The following DPP6 variants were observed in gnomAD, a reference collection of about 807,000 sequenced individuals.
DPP6 encodes A-type potassium channel modulatory protein DPP6.
A neutral mutation model predicts 122.6 loss-of-function variants in DPP6; 69 were observed. That is an observed-to-expected ratio of 0.56 (90% confidence interval 0.46 to 0.69). The LOEUF is 0.69. Ranked by LOEUF, DPP6 falls within the 30% of genes least tolerant of loss-of-function variation. DPP6 has a pLI of 0.00. For synonymous variants in DPP6, 418 were observed against 433.1 expected (o/e 0.97, Z 0.43); for missense variants, 928 against 1,116.9 (o/e 0.83, Z 2.41).
chr7:154,710,959 C>T (rs1841140947), intron 7 of DPP6, among the ~76,000 whole-genome samples: 1 of 152,216 alleles, frequency 6.6e-6, no homozygotes, highest in South Asian at 2.1e-4. Context: ...ACAACAGGAT[C>T]TTTCACTTTT....
intron 1 of DPP6, among the ~76,000 whole-genome samples, chr7:154,444,303 A>C (rs1287317878): frequency 6.8e-6 from 1 of 147,608 alleles, no homozygotes; most frequent in African/African-American, 2.5e-5. Context: ...TAAATAGACA[A>C]AAAAAAAAAA....
At chr7:153,846,959 T>C in the DPP6 span, among the ~76,000 whole-genome samples, 1 of 152,198 alleles carries the variant, frequency 6.6e-6, no homozygotes, top group East Asian at 1.9e-4. Context: ...AGTGCTGGAG[T>C]TACAGGCATG....
chr7:154,710,705 C>G, intron 7 of DPP6, among the ~76,000 whole-genome samples: 1 of 152,232 alleles, frequency 6.6e-6, no homozygotes, highest in East Asian at 1.9e-4. Context: ...CTAAAAGGTA[C>G]GTCTACAAGG....
the DPP6 span, among the ~76,000 whole-genome samples, chr7:153,856,856 T>C: frequency 6.6e-6 from 1 of 152,220 alleles, no homozygotes; most frequent in Non-Finnish European, 1.5e-5. Flanking sequence ...ATTGGCTCCT[T>C]AAGAAGATCA....
rs537147239 is a variant in DPP6 at position 154,166,067 on chromosome 7, A to T, written c.243+113004A>T. ...GCCGTTGGCACCCCCAGAACAATAT[A>T]TTCTTCAATAGTTTAAAGGAGCTGC... On this transcript the variant is annotated intron_variant, in intron 1 of 25. Coordinates refer to ENST00000377770, the MANE Select transcript of DPP6 (RefSeq NM_130797.4). Among the ~76,000 whole-genome samples, 4 of 152,260 alleles carry T rather than the reference A, an allele frequency of 2.6e-5. No individual in the cohort carries two copies. In the South Asian group the frequency reaches 8.3e-4, roughly 32 times the overall value.
intron 1 of DPP6, among the ~76,000 whole-genome samples, chr7:154,151,310 C>T (rs1796407638): frequency 6.6e-6 from 1 of 152,190 alleles, no homozygotes; most frequent in Non-Finnish European, 1.5e-5. Flanking sequence ...CCTGGCTTGT[C>T]TCTGAGCTGC....
chr7:154,769,268 A>G (rs2150377467), intron 8 of DPP6, 149 bp from the exon 9 acceptor site: 1 of 959,082 alleles, frequency 1.0e-6, no homozygotes, highest in East Asian at 2.6e-5. Context: ...GCATGTGCAG[A>G]ACACAGTGAA....
chr7:154,266,029 C>T (rs1013930232), intron 1 of DPP6, among the ~76,000 whole-genome samples: 19 of 152,234 alleles, frequency 1.2e-4, no homozygotes, highest in Admixed American at 8.5e-4. Flanking sequence ...AGACTCATCC[C>T]CCTCCCATTA....
intron 10 of DPP6, among the ~76,000 whole-genome samples, chr7:154,776,645 A>T (rs1360513000): frequency 6.6e-6 from 1 of 152,160 alleles, no homozygotes; most frequent in Non-Finnish European, 1.5e-5. Context: ...GGATGGATGT[A>T]TTGACTTCAA....
chr7:154,485,867 T>C (rs1586423478), intron 3 of DPP6, among the ~76,000 whole-genome samples: 1 of 152,158 alleles, frequency 6.6e-6, no homozygotes, highest in African/African-American at 2.4e-5. Flanking sequence ...TATGTATACA[T>C]GTGCCATGTT....
At chr7:154,542,580 G>A (rs74791709) in intron 4 of DPP6, among the ~76,000 whole-genome samples, 171 of 152,298 alleles carry the variant, frequency 1.1e-3, no homozygotes, top group African/African-American at 4.0e-3. Context: ...CTTTAATAAG[G>A]TGACTTCAGA....
chr7:154,425,617 T>TGGGG (rs1401953709), intron 1 of DPP6, among the ~76,000 whole-genome samples: 1 of 121,670 alleles, frequency 8.2e-6, no homozygotes, highest in Non-Finnish European at 1.8e-5. Flanking sequence ...TGTGTGTGTG[T>TGGGG]GTGGGTGTGT....
chr7:154,259,988 G>A (rs1346163788), intron 1 of DPP6, among the ~76,000 whole-genome samples: 3 of 152,206 alleles, frequency 2.0e-5, no homozygotes, highest in Admixed American at 6.5e-5. Flanking sequence ...AGGATGAGCC[G>A]TGGAGGAAGA....
chr7:154,562,454 G>A (rs1830481347), intron 4 of DPP6, among the ~76,000 whole-genome samples: 1 of 152,020 alleles, frequency 6.6e-6, no homozygotes, highest in Admixed American at 6.6e-5. Flanking sequence ...TCTTCAACCT[G>A]ATAAAAGATA....
chr7:154,861,839 C>A (rs957003975), intron 17 of DPP6, among the ~76,000 whole-genome samples: 2 of 151,976 alleles, frequency 1.3e-5, no homozygotes, highest in Non-Finnish European at 2.9e-5. Flanking sequence ...TTTTGGTGGT[C>A]GCTTCTTTTT....
intron 9 of DPP6, among the ~76,000 whole-genome samples, 190 bp downstream of exon 9, chr7:154,769,761 T>G (rs1309006787): frequency 1.1e-4 from 17 of 152,196 alleles, no homozygotes; most frequent in Non-Finnish European, 2.9e-5. Context: ...TTGGCAGGTT[T>G]ACTTCTTTTA....
chr7:154,023,424 A>G (rs1468804979), intron 1 of DPP6, among the ~76,000 whole-genome samples: 1 of 151,416 alleles, frequency 6.6e-6, no homozygotes, highest in Non-Finnish European at 1.5e-5. Flanking sequence ...AATCAGCATC[A>G]CGAAAGCCTA....
the DPP6 span, among the ~76,000 whole-genome samples, chr7:153,864,348 T>TAA: frequency 1.3e-5 from 2 of 152,104 alleles, no homozygotes; most frequent in Non-Finnish European, 2.9e-5. Context: ...GAGTCAAACT[T>TAA]ACGTTTTAAA....
intron 8 of DPP6, among the ~76,000 whole-genome samples, chr7:154,765,595 A>G (rs1327146438): frequency 6.6e-6 from 1 of 152,208 alleles, no homozygotes; most frequent in Admixed American, 6.5e-5. Context: ...TCTTCAAGGT[A>G]TAGTGACAAA....
Sources: allele counts gnomAD v4.1 joint callset (sites outside exome capture counted in the v4.1 genomes callset), GRCh38; gene constraint gnomAD v4.1.1; transcripts MANE v1.5; gene names NCBI Gene and HGNC (gene_info 2026-07-23, HGNC 2026-07-21).